The following EFHD1 variants were observed in gnomAD, a reference collection of about 807,000 sequenced individuals.
The protein encoded by EFHD1 is EF-hand domain-containing protein D1.
EFHD1 carries 10 observed loss-of-function variants against 17.2 expected under a neutral mutation model. That is an observed-to-expected ratio of 0.58 (90% CI 0.36 to 0.99). The LOEUF (loss-of-function observed/expected upper bound fraction) is 0.99. EFHD1 is among the 50% of genes least tolerant of loss of function. The probability of loss-of-function intolerance (pLI) is 0.01; values close to 1 mark genes in which losing one functional copy is unlikely to be tolerated. For synonymous variants in EFHD1, 153 were observed against 142.0 expected (o/e 1.08, Z -0.55); for missense variants, 310 against 327.5 (o/e 0.95, Z 0.41).
chr2:232,663,713 A>T (rs1186893585), intron 2 of EFHD1, among the ~76,000 whole-genome samples: 1 of 152,196 alleles, frequency 6.6e-6, no homozygotes, highest in Non-Finnish European at 1.5e-5. Flanking sequence ...CGACCAAGTC[A>T]GGGTAATCTG....
chr2:232,619,918 A>T (rs1001014831), intron 1 of EFHD1, among the ~76,000 whole-genome samples: 4 of 152,032 alleles, frequency 2.6e-5, no homozygotes, highest in Non-Finnish European at 5.9e-5. Context: ...TAAAATAAAA[A>T]ATATATATTA....
chr2:232,611,377 C>T (rs553877065), intron 1 of EFHD1: 1 of 152,274 alleles, frequency 6.6e-6, no homozygotes, highest in African/African-American at 2.4e-5. Flanking sequence ...CAAGTGAAGA[C>T]CCCAGCTCTG....
chr2:232,640,051 T>TGGCCAAAG (rs1056121324), intron 1 of EFHD1, among the ~76,000 whole-genome samples: 8 of 152,174 alleles, frequency 5.3e-5, no homozygotes, highest in Non-Finnish European at 8.8e-5. Context: ...TGAGTGTTGG[T>TGGCCAAAG]GGCCAAAGGG....
chr2:232,663,074 A>G (rs1182729946), intron 2 of EFHD1, 125 bp downstream of exon 2: 2 of 1,138,280 alleles, frequency 1.8e-6, no homozygotes, highest in South Asian at 2.3e-5. Flanking sequence ...CTAACCTGCA[A>G]TTCCGCTTTC....
intron 1 of EFHD1, among the ~76,000 whole-genome samples, chr2:232,655,444 C>A (rs2106206968): frequency 6.6e-6 from 1 of 152,344 alleles, no homozygotes; most frequent in East Asian, 1.9e-4. Flanking sequence ...TCCCCAAATG[C>A]AGAGGACTGT....
At chr2:232,673,502 C>CT (rs1376150945) in intron 3 of EFHD1, among the ~76,000 whole-genome samples, 1 of 152,170 alleles carries the variant, frequency 6.6e-6, no homozygotes, top group East Asian at 1.9e-4. Context: ...GCTGCCACGC[C>CT]TTTCCCAACT....
intron 3 of EFHD1, among the ~76,000 whole-genome samples, chr2:232,680,782 T>C (rs1483062436): frequency 2.6e-5 from 4 of 152,000 alleles, no homozygotes; most frequent in Non-Finnish European, 5.9e-5. Flanking sequence ...GTGCTGGGAT[T>C]ACAGGCTTGA....
rs750895220 is a variant in EFHD1, at chr2:232,660,200, TTA to T, written c.303-2600_303-2599del. 2.5e-3 allele frequency among the ~76,000 whole-genome samples: 137 copies of T among 54,352 alleles called. 1 individual carries two copies. The highest frequency in any genetic ancestry group is 8.4e-3 in the African/African-American group (105 of 12,506). 35.7% of individuals were successfully genotyped at this position (54,352 alleles called of 152,430 possible). ...ATTTTATTTTATTTTATTTATTTAT[TTA>T]TTTTTTTTTTGAGGCGGAATCTTGC... On this transcript the variant is annotated intron_variant, in intron 1 of 3. Transcript: ENST00000264059.
At chr2:232,661,184 C>G (rs1235286408) in intron 1 of EFHD1, among the ~76,000 whole-genome samples, 2 of 151,938 alleles carry the variant, frequency 1.3e-5, no homozygotes, top group African/African-American at 4.8e-5. Context: ...AAACCTCTGA[C>G]CACTTTAACC....
chr2:232,655,158 A>C (rs1032742696), intron 1 of EFHD1, among the ~76,000 whole-genome samples: 2 of 151,850 alleles, frequency 1.3e-5, no homozygotes, highest in Admixed American at 6.6e-5. Flanking sequence ...ATTTATCCAG[A>C]CTCTTGGCAC....
Position 232,678,808 on chromosome 2 carries a change from AAAAG to A in EFHD1, c.586-2773_586-2770del, listed in dbSNP as rs1315982903. 1.5e-4 allele frequency among the ~76,000 whole-genome samples: 23 copies of A among 152,328 alleles called. No homozygotes were observed. The South Asian group carries it at 1.7e-3, about 11-fold the overall frequency. On this transcript the variant is annotated intron_variant, in intron 3 of 3. Transcript: ENST00000264059. ...CAAACAAACAAACAAACAAAAAAGA[AAAAG>A]AAACATCTCTTTCACGTGGGAACTT...
intron 1 of EFHD1, 52 bp downstream of exon 1, chr2:232,634,058 G>GTCCC: frequency 1.3e-6 from 2 of 1,589,112 alleles, no homozygotes; most frequent in Non-Finnish European, 1.7e-6. Context: ...GGGAGCGGGA[G>GTCCC]GGCTTTCTGG....
rs545603831 is a variant in EFHD1, at chr2:232,645,556, C to T, written c.302+11550C>T. On this transcript the variant is annotated intron_variant, in intron 1 of 3. Transcript: ENST00000264059. Reference sequence around the variant, plus strand: ...TGTTGCAGCCTTGGAGAAATGCTGGCCTCCGATGCTGTCCTGTTTGGCTTT... The same window carrying T: ...TGTTGCAGCCTTGGAGAAATGCTGGTCTCCGATGCTGTCCTGTTTGGCTTT... Among the ~76,000 whole-genome samples, 7 of 152,326 alleles carry T rather than the reference C, an allele frequency of 4.6e-5. No individual in the cohort carries two copies. The East Asian group carries it at 1.4e-3, about 29-fold the overall frequency.
At position 232,633,818 on chromosome 2, in the gene EFHD1, C is replaced by G; in HGVS notation, c.114C>G (p.Pro38=). The change falls in exon 1 of 4, where the codon CCC becomes CCG. Residue 38 remains proline, a synonymous_variant. Coordinates refer to ENST00000264059, the MANE Select transcript of EFHD1 (RefSeq NM_025202.4). ...GCGCCCCAGCCCCGGAGCCCAAGCCCGAGCCCGAGCCTCCCGCCCGTGCGC... is the reference window on the plus strand; with the variant it reads ...GCGCCCCAGCCCCGGAGCCCAAGCCGGAGCCCGAGCCTCCCGCCCGTGCGC... ...PLGAPAPEPK[P]EPEPPARAPT... 1.4e-6 allele frequency: 2 copies of G among 1,473,016 alleles called. No homozygotes were observed. The highest frequency in any genetic ancestry group is 1.8e-6 in the Non-Finnish European group (2 of 1,121,528). The allele number at this position is 1,473,016 out of a possible 1,614,324, so 91.2% of individuals were successfully genotyped here. A position where few individuals can be genotyped will look rare whatever the true frequency, so the allele number is the denominator to read the frequency against.
At chr2:232,609,435 A>T (rs1194135988) in intron 1 of EFHD1, among the ~76,000 whole-genome samples, 1 of 152,188 alleles carries the variant, frequency 6.6e-6, no homozygotes, top group Non-Finnish European at 1.5e-5. Context: ...AGGTCAAGTG[A>T]AATATAAATT....
intron 1 of EFHD1, among the ~76,000 whole-genome samples, chr2:232,657,779 T>C (rs1694788089): frequency 7.4e-6 from 1 of 135,572 alleles, no homozygotes; most frequent in African/African-American, 2.8e-5. Context: ...ACCACTGCAC[T>C]CCAGCCTGGG....
chr2:232,634,273 C>G (rs954764690), intron 1 of EFHD1, among the ~76,000 whole-genome samples: 1 of 151,762 alleles, frequency 6.6e-6, no homozygotes. Context: ...CCAGGTCCCC[C>G]AACCCCGACC....
rs1025955294 is a variant in EFHD1, at chr2:232,673,539, G to A, written c.585+1096G>A. On this transcript the variant is annotated intron_variant, in intron 3 of 3. Coordinates refer to ENST00000264059, the MANE Select transcript of EFHD1 (RefSeq NM_025202.4). ...GATCTCCTGTCCCCTCTGCCTGAACGCCCTACCCAAATGCCTCTGCCTAGA... is the reference window on the plus strand; with the variant it reads ...GATCTCCTGTCCCCTCTGCCTGAACACCCTACCCAAATGCCTCTGCCTAGA... 3.9e-5 allele frequency among the ~76,000 whole-genome samples: 6 copies of A among 152,082 alleles called. No individual in the cohort carries two copies. In the East Asian group the frequency reaches 1.2e-3, roughly 29 times the overall value.
At chr2:232,672,062 A>T (rs1360956489) in intron 2 of EFHD1, among the ~76,000 whole-genome samples, 1 of 152,208 alleles carries the variant, frequency 6.6e-6, no homozygotes, top group Non-Finnish European at 1.5e-5. Context: ...CCTCAAAAAA[A>T]AAAAAAAAGT....
Sources: gnomAD v4.1 joint callset for allele counts (sites outside exome capture counted in the v4.1 genomes callset) on GRCh38, gnomAD v4.1.1 for gene constraint, MANE v1.5 for transcripts, NCBI Gene and HGNC (gene_info 2026-07-23, HGNC 2026-07-21) for gene names.